The following FRY variants were observed in gnomAD, a reference collection of about 807,000 sequenced individuals.
The protein encoded by FRY is protein furry homolog.
FRY carries 128 observed loss-of-function variants against 348.4 expected under a neutral mutation model. The observed-to-expected ratio is 0.37, with a 90% CI of 0.32 to 0.43. FRY has a LOEUF of 0.43. Among genes scored for constraint, FRY ranks in the 20% least tolerant of loss-of-function variants. The probability of loss-of-function intolerance (pLI) is 1.00; values close to 1 mark genes in which losing one functional copy is unlikely to be tolerated. For synonymous variants in FRY, 1,370 were observed against 1,374.7 expected, an observed-to-expected ratio of 1.00 and a Z score of 0.08; for missense variants, 2,736 against 3,695.2, an observed-to-expected ratio of 0.74 and a Z score of 6.73.
At chr13:32,228,715 G>A (rs372355722) in intron 40 of FRY, 61 bp downstream of exon 40, 50 of 1,358,010 alleles carry the variant, frequency 3.7e-5, no homozygotes, top group East Asian at 4.6e-5. Context: ...AATTGCCAAC[G>A]CTTTAAACCA....
intron 16 of FRY, among the ~76,000 whole-genome samples, chr13:32,157,661 A>G (rs1238889517): frequency 2.6e-5 from 4 of 152,236 alleles, no homozygotes; most frequent in African/African-American, 9.6e-5. Context: ...CCACTAGTCC[A>G]TGTTTTTCAG....
At chr13:32,094,453 A>G (rs1876551351) in intron 2 of FRY, among the ~76,000 whole-genome samples, 1 of 151,876 alleles carries the variant, frequency 6.6e-6, no homozygotes, top group Non-Finnish European at 1.5e-5. Flanking sequence ...ACTAGGTCTT[A>G]TTCATTCTTT....
intron 1 of FRY, among the ~76,000 whole-genome samples, chr13:32,077,835 C>T (rs1875187350): frequency 6.6e-6 from 1 of 152,168 alleles, no homozygotes; most frequent in Non-Finnish European, 1.5e-5. Flanking sequence ...GACTCTTTCC[C>T]TTAATCTCCA....
intron 1 of FRY, among the ~76,000 whole-genome samples, chr13:32,074,335 C>T (rs954931126): frequency 2.0e-5 from 3 of 152,030 alleles, no homozygotes; most frequent in Admixed American, 6.6e-5. Flanking sequence ...AAAATTAGAA[C>T]GTGTTAAAAC....
Position 32,210,722 on chromosome 13 carries a change from C to A in FRY, c.4423-144C>A, listed in dbSNP as rs1229155172. Reference sequence around the variant, plus strand: ...GTGAATTTTAATCCAAGTCCTTGGTCCATCCTAGGATAGCACAAAGATTAG... The same window carrying A: ...GTGAATTTTAATCCAAGTCCTTGGTACATCCTAGGATAGCACAAAGATTAG... On this transcript the variant is annotated intron_variant, in intron 33 of 60. Coordinates refer to ENST00000542859, the MANE Select transcript of FRY (RefSeq NM_023037.3). 2.4e-5 allele frequency: 17 copies of A among 710,382 alleles called. No individual in the cohort carries two copies. The Admixed American group carries it at 3.5e-4, about 15-fold the overall frequency. The allele number at this position is 710,382 out of a possible 1,614,324, so 44.0% of individuals were successfully genotyped here. A position where few individuals can be genotyped will look rare whatever the true frequency, so the allele number is the denominator to read the frequency against.
At chr13:32,102,913 G>C (rs1465915628) in intron 3 of FRY, among the ~76,000 whole-genome samples, 2 of 152,196 alleles carry the variant, frequency 1.3e-5, no homozygotes, top group Non-Finnish European at 2.9e-5. Flanking sequence ...TGGTAGTACG[G>C]TGTTTTTATG....
intron 47 of FRY, among the ~76,000 whole-genome samples, chr13:32,245,560 A>G (rs577891187): frequency 3.4e-4 from 52 of 152,218 alleles, no homozygotes; most frequent in African/African-American, 1.2e-3. Flanking sequence ...GTTACAGTGA[A>G]CTGTGATCAC....
chr13:32,094,957 T>C (rs1876588114), intron 2 of FRY, among the ~76,000 whole-genome samples: 1 of 152,212 alleles, frequency 6.6e-6, no homozygotes, highest in Middle Eastern at 3.2e-3. Flanking sequence ...CTAATTTACA[T>C]TCCCACCAAC....
chr13:32,292,169 G>C (rs1400246055), intron 59 of FRY: 1 of 296,414 alleles, frequency 3.4e-6, no homozygotes, highest in South Asian at 2.7e-5. Flanking sequence ...TTTTAGTGGA[G>C]ACGATGTTTC....
intron 41 of FRY, among the ~76,000 whole-genome samples, chr13:32,233,621 G>A (rs1208038233): frequency 6.6e-6 from 1 of 152,208 alleles, no homozygotes; most frequent in East Asian, 1.9e-4. Flanking sequence ...TGTGTTTTGA[G>A]TTGAATAGAT....
intron 51 of FRY, among the ~76,000 whole-genome samples, chr13:32,260,109 G>A (rs146487032): frequency 6.6e-6 from 1 of 152,308 alleles, no homozygotes; most frequent in Non-Finnish European, 1.5e-5. Flanking sequence ...ACAGATCTGT[G>A]AGAATGGCAA....
intron 2 of FRY, among the ~76,000 whole-genome samples, chr13:32,095,284 G>GTTCTGTGGA (rs1168006696): frequency 2.9e-5 from 4 of 138,360 alleles, no homozygotes; most frequent in African/African-American, 1.1e-4. Context: ...ATTTTCTCCT[G>GTTCTGTGGA]TTCTGTGGAT....
chr13:32,237,462 C>A lies in FRY; in HGVS notation c.5894C>A (p.Thr1965Asn). 1.2e-6 allele frequency: 2 copies of A among 1,614,102 alleles called. No individual in the cohort carries two copies. Among genetic ancestry groups the A allele is most frequent in the Middle Eastern group, 3.3e-4 (2 of 6,062 alleles). ...STGQLNMNPGTTSGNTATAER... is the reference protein window; with the variant it reads ...STGQLNMNPGNTSGNTATAER... ...GGACAACTAAACATGAACCCGGGAA[C>A]CACCAGCGGCAACACCGCAACTGCC... Residue 1965 changes from threonine to asparagine, a missense_variant, in exon 44 of 61, where the codon ACC (threonine) becomes AAC (asparagine). This residue lies in a region of FRY where 794 missense variants were observed against 977.0 expected (regional missense o/e 0.81). Transcript: ENST00000542859. The surrounding 1 kb of genome is among the most constrained non-coding windows in gnomAD (Gnocchi z 6.3).
At chr13:32,137,448 G>T (rs1879790309) in intron 11 of FRY, among the ~76,000 whole-genome samples, 1 of 152,166 alleles carries the variant, frequency 6.6e-6, no homozygotes, top group African/African-American at 2.4e-5. Context: ...TCTGTGGAAG[G>T]ACTGACCTAG....
At chr13:32,055,257 C>T (rs1448749506) in intron 1 of FRY, among the ~76,000 whole-genome samples, 1 of 152,130 alleles carries the variant, frequency 6.6e-6, no homozygotes, top group Admixed American at 6.5e-5. Context: ...GTTGCCCAGG[C>T]TGGCCTCAAA....
chr13:32,058,179 TA>T (rs762778480), intron 1 of FRY, among the ~76,000 whole-genome samples: 71 of 152,208 alleles, frequency 4.7e-4, no homozygotes, highest in Non-Finnish European at 8.4e-4. Flanking sequence ...TAATATAGTT[TA>T]AAATATATGA....
chr13:32,161,165 A>G lies in FRY; in HGVS notation c.1806A>G (p.Ile602Met), dbSNP rs1593682252. ...DMITGERKPK[I>M]DLFRTCVAAI... is the part of the protein sequence containing the mutation. ...CTAGGGGTGAGAGAAAGCCAAAAAT[A>G]GATCTTTTCAGGACCTGTGTTGCTG... Residue 602 changes from isoleucine (I) to methionine (M), a missense_variant, in exon 17 of 61, where the codon ATA becomes ATG. Around this residue, in one of 9 missense-constraint regions of FRY, gnomAD observed 191 missense variants for 370.2 expected, o/e 0.52. Coordinates refer to ENST00000542859, the MANE Select transcript of FRY (RefSeq NM_023037.3). 1.2e-6 allele frequency: 2 copies of G among 1,612,278 alleles called. No homozygotes were observed. Among genetic ancestry groups the G allele is most frequent in the Non-Finnish European group, 1.7e-6 (2 of 1,178,446 alleles).
At chr13:32,103,465 A>G (rs145326954) in intron 3 of FRY, among the ~76,000 whole-genome samples, 11,147 of 152,274 alleles carry the variant, frequency 0.073, 528 homozygotes, top group Admixed American at 0.12. Flanking sequence ...ATGAGAACAC[A>G]TGGACACAGG....
chr13:32,053,360 G>A (rs1873445962), intron 1 of FRY, among the ~76,000 whole-genome samples: 1 of 152,212 alleles, frequency 6.6e-6, no homozygotes, highest in South Asian at 2.1e-4. Flanking sequence ...ACACTCCTCA[G>A]CTTATCATTT....
Sources: allele counts gnomAD v4.1 joint callset (sites outside exome capture counted in the v4.1 genomes callset), GRCh38; gene constraint gnomAD v4.1.1; regional missense constraint gnomAD v4.1.1; non-coding constraint Gnocchi (gnomAD v3.1); transcripts MANE v1.5; gene names NCBI Gene and HGNC (gene_info 2026-07-23, HGNC 2026-07-21).